CLVS2: variants seen among roughly 807,000 people sequenced by gnomAD.
The protein encoded by CLVS2 is clavesin 2.
In CLVS2, 19 loss-of-function variants were observed where a neutral mutation model predicts 29.0. That is an observed-to-expected ratio of 0.66 (90% CI 0.46 to 0.96). CLVS2 has a LOEUF of 0.96. Ranked by LOEUF, CLVS2 falls within the 40% of genes least tolerant of loss-of-function variation. The pLI, the probability that CLVS2 is intolerant of heterozygous loss-of-function variation, is 0.00. For synonymous variants in CLVS2, 161 were observed against 151.3 expected, an observed-to-expected ratio of 1.06 and a Z score of -0.47; for missense variants, 294 against 404.1, an observed-to-expected ratio of 0.73 and a Z score of 2.34.
intron 4 of CLVS2, among the ~76,000 whole-genome samples, chr6:123,051,294 T>C (rs913934185): frequency 6.6e-6 from 1 of 152,192 alleles, no homozygotes; most frequent in Admixed American, 6.5e-5. Flanking sequence ...TCCAACTTAC[T>C]GGGCTGCTGG....
At position 123,065,241 on chromosome 6, in the gene CLVS2, T is replaced by G. The variant is rs1772835620; in HGVS notation, c.*1480T>G. 1 of 151,860 alleles carries G rather than the reference T, an allele frequency of 6.6e-6. No individual in the cohort carries two copies. The highest frequency in any genetic ancestry group is 1.5e-5 in the Non-Finnish European group (1 of 67,802). 9.4% of individuals were successfully genotyped at this position (151,860 alleles called of 1,614,324 possible). On this transcript the variant is annotated 3_prime_UTR_variant, in exon 6 of 6. Coordinates refer to ENST00000275162, the MANE Select transcript of CLVS2 (RefSeq NM_001010852.4). The stretch of plus-strand genomic sequence containing the variant: ...AAATTTCAATGTGAAAAAATGATTT[T>G]TATCACCCATAATAAATTTTGAGAT...
At chr6:123,023,378 C>A (rs1774951839) in intron 3 of CLVS2, among the ~76,000 whole-genome samples, 2 of 152,002 alleles carry the variant, frequency 1.3e-5, no homozygotes, top group South Asian at 4.1e-4. Context: ...GCTTGTTTTT[C>A]ATTATTCAGC....
rs888442805 is a variant in CLVS2 at position 123,046,671 on chromosome 6, AAAT to A, written c.565-1938_565-1936del. Among the ~76,000 whole-genome samples the A allele has an allele frequency of 1.4e-4, 21 of 147,482 alleles. No individual in the cohort carries two copies. In the South Asian group the frequency reaches 2.0e-3, roughly 14 times the overall value. ...GAAACTCAGTCTCAAAAAAAAAAAA[AAAT>A]AATAATAATAATCACTTGAGCCAAG... On this transcript the variant is annotated intron_variant, in intron 3 of 5. Coordinates refer to ENST00000275162, the MANE Select transcript of CLVS2 (RefSeq NM_001010852.4).
At chr6:123,062,919 C>T (rs1363841876) in intron 5 of CLVS2, among the ~76,000 whole-genome samples, 1 of 152,158 alleles carries the variant, frequency 6.6e-6, no homozygotes, top group Non-Finnish European at 1.5e-5. Context: ...CATTGATTTT[C>T]CTCTTTCCCA....
At position 123,053,082 on chromosome 6, in the gene CLVS2, C is replaced by T. The variant is rs111609624; in HGVS notation, c.676-2724C>T. 1.3e-4 allele frequency among the ~76,000 whole-genome samples: 20 copies of T among 152,196 alleles called. 2 individuals carry two copies. The South Asian group carries it at 3.3e-3, about 25-fold the overall frequency. ...GAAAATCAGGCCAGGCGCAGTGGCT[C>T]GCGCCTGTAATCCCAGCACTTTGGG... On this transcript the variant is annotated intron_variant, in intron 4 of 5. Transcript: ENST00000275162.
At chr6:123,008,905 T>G (rs1172047341) in intron 2 of CLVS2, among the ~76,000 whole-genome samples, 1 of 152,082 alleles carries the variant, frequency 6.6e-6, no homozygotes, top group Admixed American at 6.6e-5. Context: ...ATAAAAAGTT[T>G]TATTATTTTA....
chr6:123,046,069 C>A (rs1215723753), intron 3 of CLVS2, among the ~76,000 whole-genome samples: 2 of 152,108 alleles, frequency 1.3e-5, no homozygotes, highest in African/African-American at 4.8e-5. Context: ...CGAGGAAGAT[C>A]ACAGTGAGGG....
Position 123,011,076 on chromosome 6 carries a change from A to G in CLVS2, c.481A>G (p.Ile161Val), listed in dbSNP as rs2114308048. 4 of 1,611,778 alleles carry G rather than the reference A, an allele frequency of 2.5e-6. No homozygotes were observed. The highest frequency in any genetic ancestry group is 1.3e-5 in the African/African-American group (1 of 74,820). ...PELQVNGFVL[I>V]IDWSNFTFKQ... ...GCTTCAAGTGAATGGGTTTGTTTTG[A>G]TCATAGACTGGAGTAACTTCACTTT... is the stretch of plus-strand genomic sequence containing the variant. Residue 161 changes from isoleucine to valine, a missense_variant, in exon 3 of 6, where the codon ATC becomes GTC. Transcript: ENST00000275162.
intron 3 of CLVS2, among the ~76,000 whole-genome samples, chr6:123,020,866 TC>T (rs1774910136): frequency 6.6e-6 from 1 of 152,072 alleles, no homozygotes; most frequent in Non-Finnish European, 1.5e-5. Flanking sequence ...AATTTTTCCC[TC>T]TTTTTATTAG....
chr6:123,072,895 G>C lies in CLVS2; in HGVS notation c.*9134G>C, dbSNP rs1772971908. On this transcript the variant is annotated 3_prime_UTR_variant, in exon 6 of 6. Coordinates refer to ENST00000275162, the MANE Select transcript of CLVS2 (RefSeq NM_001010852.4). The stretch of plus-strand genomic sequence containing the variant: ...GATTTCTGAGGATGAATGAAGTACT[G>C]TTAAATAAAATGTCACTAAATGAAA... The C allele has an allele frequency of 6.6e-6, 1 of 152,010 alleles. No individual in the cohort carries two copies. The allele number at this position is 152,010 out of a possible 1,614,324, so 9.4% of individuals were successfully genotyped here. A position where few individuals can be genotyped will look rare whatever the true frequency, so the allele number is the denominator to read the frequency against.
intron 2 of CLVS2, 73 bp from the exon 3 acceptor site, chr6:123,010,912 G>T: frequency 1.0e-6 from 1 of 1,004,306 alleles, no homozygotes. Flanking sequence ...TTTTTAGTGT[G>T]CTAGAAAATA....
At chr6:123,060,566 T>C (rs1772760317) in intron 5 of CLVS2, among the ~76,000 whole-genome samples, 1 of 152,210 alleles carries the variant, frequency 6.6e-6, no homozygotes, top group South Asian at 2.1e-4. Flanking sequence ...ATTTTATTGA[T>C]AGAGAGACTG....
At chr6:123,019,997 A>T (rs958765968) in intron 3 of CLVS2, among the ~76,000 whole-genome samples, 1 of 151,922 alleles carries the variant, frequency 6.6e-6, no homozygotes, top group East Asian at 1.9e-4. Flanking sequence ...GACTTTTGAC[A>T]GATTGGATGA....
Position 123,030,262 on chromosome 6 carries a change from G to C in CLVS2, c.565-18360G>C, listed in dbSNP as rs544188384. ...GTGTTGGATCTTTCATCTCATCTCT[G>C]TTCCTGTGGAGCTATTATAAGAGAC... is the stretch of plus-strand genomic sequence containing the variant. On this transcript the variant is annotated intron_variant, in intron 3 of 5. Coordinates refer to ENST00000275162, the MANE Select transcript of CLVS2 (RefSeq NM_001010852.4). 2.6e-5 allele frequency among the ~76,000 whole-genome samples: 4 copies of C among 152,104 alleles called. No homozygotes were observed. The East Asian group carries it at 7.7e-4, about 29-fold the overall frequency.
intron 4 of CLVS2, among the ~76,000 whole-genome samples, chr6:123,055,393 T>C (rs932833820): frequency 2.0e-5 from 3 of 152,198 alleles, no homozygotes; most frequent in Admixed American, 2.0e-4. Flanking sequence ...GGCTCTGTAA[T>C]TGATGAGTCC....
At chr6:123,062,499 G>A (rs1355887684) in intron 5 of CLVS2, among the ~76,000 whole-genome samples, 1 of 151,504 alleles carries the variant, frequency 6.6e-6, no homozygotes. Context: ...TCCATGATAG[G>A]CATCTAATGC....
intron 2 of CLVS2, among the ~76,000 whole-genome samples, chr6:122,999,712 A>G (rs1220752868): frequency 6.6e-6 from 1 of 152,176 alleles, no homozygotes; most frequent in Admixed American, 6.6e-5. Context: ...GTCAGATTGG[A>G]ACTTTGTTAA....
At chr6:123,059,171 G>A (rs368246242) in intron 5 of CLVS2, among the ~76,000 whole-genome samples, 2 of 152,050 alleles carry the variant, frequency 1.3e-5, no homozygotes, top group African/African-American at 4.8e-5. Flanking sequence ...ATCTTCAAAT[G>A]GGTGGTCCCA....
intron 4 of CLVS2, among the ~76,000 whole-genome samples, chr6:123,051,235 G>A (rs1003646721): frequency 6.6e-6 from 1 of 152,074 alleles, no homozygotes; most frequent in Admixed American, 6.6e-5. Flanking sequence ...AGGTGTGCAA[G>A]AATCACCTGC....
Sources: allele counts gnomAD v4.1 joint callset (sites outside exome capture counted in the v4.1 genomes callset), GRCh38; gene constraint gnomAD v4.1.1; transcripts MANE v1.5; gene names NCBI Gene and HGNC (gene_info 2026-07-23, HGNC 2026-07-21).